OTUD7A: variants seen among roughly 807,000 people sequenced by gnomAD.
OTUD7A encodes OTU deubiquitinase 7A.
Under a neutral mutation model 65.7 loss-of-function variants are expected in OTUD7A, and 12 were observed. The observed-to-expected ratio is 0.18, with a 90% CI of 0.12 to 0.30. The LOEUF (loss-of-function observed/expected upper bound fraction) is 0.30, where lower values mean the gene tolerates loss of function less well. OTUD7A is among the 10% of genes least tolerant of loss of function. The probability of loss-of-function intolerance (pLI) is 1.00; values close to 1 mark genes in which losing one functional copy is unlikely to be tolerated. For missense variants in OTUD7A, 1,148 were observed against 1,304.8 expected, an observed-to-expected ratio of 0.88 and a Z score of 1.85; for synonymous variants, 641 against 586.3, an observed-to-expected ratio of 1.09 and a Z score of -1.35.
At chr15:31,773,925 T>C (rs73378687) in intron 1 of OTUD7A, among the ~76,000 whole-genome samples, 3,562 of 152,204 alleles carry the variant, frequency 0.023, 138 homozygotes, top group African/African-American at 0.08. Context: ...ACCTTTAAAA[T>C]TGACAACAAA....
chr15:31,796,858 C>T (rs566174574), intron 1 of OTUD7A, among the ~76,000 whole-genome samples: 1 of 152,332 alleles, frequency 6.6e-6, no homozygotes, highest in South Asian at 2.1e-4. Flanking sequence ...CCTCAGCCTC[C>T]TGAGTAGCTG....
At chr15:31,766,721 T>C (rs1895102765) in intron 1 of OTUD7A, 2 of 1,610,042 alleles carry the variant, frequency 1.2e-6, no homozygotes, top group Non-Finnish European at 8.5e-7. Context: ...ACAATCAAAG[T>C]AGAGGTTCTC....
In OTUD7A at chr15:31,484,103, G is replaced by C; in HGVS notation, c.1993C>G (p.Leu665Val). ...QFHEEMIGYYLTSAQERFSAE... is the reference protein window; with the variant it reads ...QFHEEMIGYYVTSAQERFSAE... ...CTGAAGCGCTCCTGCGCGCTCGTCA[G>C]GTAGTAGCCGATCATCTCCTCGTGG... The change falls in exon 13 of 13, where the codon CTG becomes GTG. Residue 665 changes from leucine to valine, a missense_variant. Physicochemically the swap from Leu to Val is conservative, Grantham distance 32. Transcript: ENST00000307050. The surrounding 1 kb of genome is among the most constrained non-coding windows in gnomAD (Gnocchi z 4.5). 1 of 1,604,522 alleles carries C rather than the reference G, an allele frequency of 6.2e-7. No homozygotes were observed. Among genetic ancestry groups the C allele is most frequent in the Non-Finnish European group, 8.5e-7 (1 of 1,179,216 alleles).
intron 1 of OTUD7A, among the ~76,000 whole-genome samples, chr15:31,857,488 C>T (rs969972436): frequency 2.6e-5 from 4 of 152,192 alleles, no homozygotes; most frequent in Admixed American, 1.3e-4. Context: ...CTCCCCCTTA[C>T]ACACTCGGGA....
intron 1 of OTUD7A, among the ~76,000 whole-genome samples, chr15:31,698,508 T>C (rs1037264603): frequency 2.0e-5 from 3 of 152,160 alleles, no homozygotes; most frequent in African/African-American, 7.2e-5. Flanking sequence ...AGGCTCCACC[T>C]AGACCTGCTG....
Position 31,483,427 on chromosome 15 carries a change from G to C in OTUD7A, c.2669C>G (p.Pro890Arg). ...CTGGCAGCGCCGCTGCACCGGCCCC[G>C]GGCCGCCACGGCCGCACTCACCGTT... ...RSNGECGRGGPGPVQRRCQRE... is the reference protein window; with the variant it reads ...RSNGECGRGGRGPVQRRCQRE... The change falls in exon 13 of 13, where the codon CCG (proline) becomes CGG (arginine). Residue 890 changes from proline (P) to arginine (R), a missense_variant. Physicochemically the swap from Pro to Arg is moderately radical, Grantham distance 103. Around this residue, in one of 6 missense-constraint regions of OTUD7A, gnomAD observed 842 missense variants for 769.5 expected, o/e 1.09. Coordinates refer to ENST00000307050, the MANE Select transcript of OTUD7A (RefSeq NM_001382637.1). 1 of 1,372,400 alleles carries C rather than the reference G, an allele frequency of 7.3e-7. No homozygotes were observed. Among genetic ancestry groups the C allele is most frequent in the Non-Finnish European group, 9.4e-7 (1 of 1,062,782 alleles). The allele number at this position is 1,372,400 out of a possible 1,614,324, so 85.0% of individuals were successfully genotyped here. A position where few individuals can be genotyped will look rare whatever the true frequency, so the allele number is the denominator to read the frequency against.
chr15:31,756,166 C>G (rs1321096456), intron 1 of OTUD7A, among the ~76,000 whole-genome samples: 1 of 152,238 alleles, frequency 6.6e-6, no homozygotes, highest in Non-Finnish European at 1.5e-5. Flanking sequence ...ACACCTCTGA[C>G]TAAGGGCCTG....
chr15:31,542,085 A>G (rs557160356), intron 5 of OTUD7A, among the ~76,000 whole-genome samples: 1 of 152,262 alleles, frequency 6.6e-6, no homozygotes, highest in East Asian at 1.9e-4. Context: ...AAACAAAAAC[A>G]ATCTCTCTAA....
chr15:31,553,858 C>A (rs941824415), intron 5 of OTUD7A, among the ~76,000 whole-genome samples: 1 of 152,106 alleles, frequency 6.6e-6, no homozygotes, highest in African/African-American at 2.4e-5. Flanking sequence ...TCTCTTACCA[C>A]CCCATAGTCC....
chr15:31,530,471 C>A (rs1311604081), intron 6 of OTUD7A, among the ~76,000 whole-genome samples: 1 of 152,226 alleles, frequency 6.6e-6, no homozygotes. Context: ...TGCTCAAGGC[C>A]TCCTTCTATC....
intron 5 of OTUD7A, among the ~76,000 whole-genome samples, chr15:31,536,339 A>G (rs1338500619): frequency 1.3e-5 from 2 of 152,234 alleles, no homozygotes; most frequent in East Asian, 3.8e-4. Flanking sequence ...AATTGCTTCA[A>G]GCTTATGAGT....
At chr15:31,715,123 C>T (rs1893549598) in intron 1 of OTUD7A, among the ~76,000 whole-genome samples, 2 of 151,940 alleles carry the variant, frequency 1.3e-5, no homozygotes, top group South Asian at 4.1e-4. Context: ...AACAGTGAGA[C>T]TCTGTCTCAA....
chr15:31,621,453 G>A (rs1437414922), intron 3 of OTUD7A, among the ~76,000 whole-genome samples: 1 of 152,152 alleles, frequency 6.6e-6, no homozygotes, highest in Non-Finnish European at 1.5e-5. Flanking sequence ...GGGTGCTCCT[G>A]TATTGGGTGC....
chr15:31,823,508 T>C (rs948135687), intron 1 of OTUD7A, among the ~76,000 whole-genome samples: 1 of 152,254 alleles, frequency 6.6e-6, no homozygotes, highest in Non-Finnish European at 1.5e-5. Flanking sequence ...ATCCTGTTTT[T>C]GAGAGTCGCC....
At chr15:31,766,335 T>C (rs1389847230) in intron 1 of OTUD7A, 8 of 1,598,830 alleles carry the variant, frequency 5.0e-6, no homozygotes, top group Non-Finnish European at 6.9e-6. Flanking sequence ...AAGTTGAAGC[T>C]TTCTATGATT....
intron 2 of OTUD7A, among the ~76,000 whole-genome samples, chr15:31,655,914 T>C (rs1891977953): frequency 6.6e-6 from 1 of 152,186 alleles, no homozygotes; most frequent in Non-Finnish European, 1.5e-5. Context: ...GTGATGAATG[T>C]TACCCACTCT....
At chr15:31,786,374 T>C (rs1275561490) in intron 1 of OTUD7A, among the ~76,000 whole-genome samples, 1 of 152,262 alleles carries the variant, frequency 6.6e-6, no homozygotes, top group Non-Finnish European at 1.5e-5. Context: ...ACAAGTCTTA[T>C]TGCCAAATTT....
chr15:31,768,322 G>C, intron 1 of OTUD7A: 1 of 616,670 alleles, frequency 1.6e-6, no homozygotes, highest in Non-Finnish European at 2.9e-6. Flanking sequence ...ATAGCATAGA[G>C]GGCTGCGTGG....
At chr15:31,697,690 C>T (rs1405807738) in intron 1 of OTUD7A, among the ~76,000 whole-genome samples, 1 of 152,214 alleles carries the variant, frequency 6.6e-6, no homozygotes, top group African/African-American at 2.4e-5. Context: ...TTCACAACAA[C>T]CCCGCGCTGC....
Sources: allele counts gnomAD v4.1 joint callset (sites outside exome capture counted in the v4.1 genomes callset), GRCh38; gene constraint gnomAD v4.1.1; regional missense constraint gnomAD v4.1.1; non-coding constraint Gnocchi (gnomAD v3.1); transcripts MANE v1.5; gene names NCBI Gene and HGNC (gene_info 2026-07-23, HGNC 2026-07-21).